Variants in SYNE1 observed in about 807,000 individuals in gnomAD.
SYNE1 encodes the protein nesprin-1.
In SYNE1, 616 loss-of-function variants were observed where a neutral mutation model predicts 1,111.0. The observed-to-expected ratio is 0.55, with a 90% CI of 0.52 to 0.59. The LOEUF (loss-of-function observed/expected upper bound fraction) is 0.59. Ranked by LOEUF, SYNE1 falls within the 20% of genes least tolerant of loss-of-function variation. The pLI is 0.00. For synonymous variants in SYNE1, 3,855 were observed against 3,825.8 expected, an observed-to-expected ratio of 1.01 and a Z score of -0.28; for missense variants, 10,006 against 10,417.0, an observed-to-expected ratio of 0.96 and a Z score of 1.72.
chr6:152,377,873 C>A (rs1057305852), intron 56 of SYNE1, among the ~76,000 whole-genome samples: 2 of 151,678 alleles, frequency 1.3e-5, no homozygotes, highest in Non-Finnish European at 2.9e-5. Flanking sequence ...CAAGTCCCCC[C>A]ACGAATAAAG....
intron 141 of SYNE1, among the ~76,000 whole-genome samples, chr6:152,135,598 T>TC (rs2056880676): frequency 6.6e-6 from 1 of 152,208 alleles, no homozygotes; most frequent in Non-Finnish European, 1.5e-5. Context: ...GAATCTCATA[T>TC]CCCCTTCATT....
Position 152,211,581 on chromosome 6 carries a change from T to C in SYNE1, c.22502A>G (p.Gln7501Arg). Residue 7501 changes from glutamine (Q) to arginine (R), a missense_variant, in exon 124 of 146, where the codon CAA (glutamine) becomes CGA (arginine). This residue lies in a region of SYNE1 where 2,182 missense variants were observed against 2,287.8 expected (regional missense o/e 0.95). Coordinates refer to ENST00000367255, the MANE Select transcript of SYNE1 (RefSeq NM_182961.4). ...CTGCTGACGACTGAACATCTCGGCT[T>C]GAAACAACTATAATTTAAAAAAAAG... The part of the protein sequence containing the change: ...LEQQRAHELF[Q>R]AEMFSRQQIL... 6.2e-7 allele frequency: 1 copy of C among 1,613,260 alleles called. No homozygotes were observed. Among genetic ancestry groups the C allele is most frequent in the Non-Finnish European group, 8.5e-7 (1 of 1,179,496 alleles).
rs757735264 is a variant in SYNE1, at chr6:152,336,728, T to A, written c.12528+113A>T. The A allele has an allele frequency of 4.5e-6, 6 of 1,345,614 alleles. No homozygotes were observed. In the South Asian group the frequency reaches 7.1e-5, roughly 16 times the overall value. The allele number at this position is 1,345,614 out of a possible 1,614,324, so 83.4% of individuals were successfully genotyped here. On this transcript the variant is annotated intron_variant, in intron 76 of 145. Coordinates refer to ENST00000367255, the MANE Select transcript of SYNE1 (RefSeq NM_182961.4). ...CCTCTGCCTTAAAGAGTTGTATTAA[T>A]GTCTAAGGATTGACAGACACTCAGG...
chr6:152,604,970 A>AAGAC, intron 3 of SYNE1, among the ~76,000 whole-genome samples: 1 of 15,892 alleles, frequency 6.3e-5, no homozygotes, highest in South Asian at 2.6e-3. Context: ...GAAAGAAAGA[A>AAGAC]AGAAAGAAAG....
rs556057184 is a variant in SYNE1 at position 152,152,919 on chromosome 6, T to C, written c.24130-778A>G. Among the ~76,000 whole-genome samples, 3 of 152,284 alleles carry C rather than the reference T, an allele frequency of 2.0e-5. No individual in the cohort carries two copies. The South Asian group carries it at 6.2e-4, about 32-fold the overall frequency. ...TAGAGATTCTGAAGGTAAAATATTCTTTTCTGCCTTTTCCCTCCAATGTAG... is the reference window on the plus strand; with the variant it reads ...TAGAGATTCTGAAGGTAAAATATTCCTTTCTGCCTTTTCCCTCCAATGTAG... On this transcript the variant is annotated intron_variant, in intron 133 of 145. Coordinates refer to ENST00000367255, the MANE Select transcript of SYNE1 (RefSeq NM_182961.4).
chr6:152,309,929 A>G lies in SYNE1; in HGVS notation c.17108T>C (p.Val5703Ala). 6.2e-7 allele frequency: 1 copy of G among 1,614,174 alleles called. No homozygotes were observed. The highest frequency in any genetic ancestry group is 8.5e-7 in the Non-Finnish European group (1 of 1,180,034). ...AGCATGACAGAGAGGTAAGCTGGCA[A>G]CCACATCCTCGGGGATCCGGAGGGC... is the stretch of plus-strand genomic sequence containing the variant. ...QSALRIPEDV[V>A]ASLPLCHAAL... Residue 5703 changes from valine (V) to alanine (A), a missense_variant, in exon 90 of 146, where the codon GTT becomes GCT. By Grantham distance (64) the Val-to-Ala change is moderately conservative. Transcript: ENST00000367255.
At chr6:152,374,127 G>A (rs1283909836) in intron 58 of SYNE1, among the ~76,000 whole-genome samples, 1 of 152,188 alleles carries the variant, frequency 6.6e-6, no homozygotes, top group Non-Finnish European at 1.5e-5. Flanking sequence ...TCATAGGGTT[G>A]TCCTTATGAG....
chr6:152,508,451 A>T (rs964409194), intron 8 of SYNE1, among the ~76,000 whole-genome samples: 6 of 152,252 alleles, frequency 3.9e-5, no homozygotes, highest in African/African-American at 1.4e-4. Context: ...AACCCAACAT[A>T]GCATGCATGA....
chr6:152,560,171 G>T (rs2099390429), intron 3 of SYNE1, among the ~76,000 whole-genome samples: 1 of 151,934 alleles, frequency 6.6e-6, no homozygotes. Context: ...TGAACAACAT[G>T]GTGAAACCCC....
intron 49 of SYNE1, 114 bp from the exon 50 acceptor site, chr6:152,397,094 C>G: frequency 9.2e-7 from 1 of 1,083,794 alleles, no homozygotes; most frequent in Non-Finnish European, 1.4e-6. Context: ...CTTAACAAGG[C>G]TGGAGTAAAA....
chr6:152,592,687 A>G (rs2099570490), intron 3 of SYNE1, among the ~76,000 whole-genome samples: 1 of 152,248 alleles, frequency 6.6e-6, no homozygotes, highest in African/African-American at 2.4e-5. Flanking sequence ...AAATCTGCAC[A>G]GGTACCCTCT....
At chr6:152,175,262 AAAAGAT>A in intron 130 of SYNE1, among the ~76,000 whole-genome samples, 1 of 152,358 alleles carries the variant, frequency 6.6e-6, no homozygotes, top group Admixed American at 6.5e-5. Context: ...CATTGTCACT[AAAAGAT>A]AATCTCACTT....
At chr6:152,153,856 A>C (rs1405965023) in intron 133 of SYNE1, among the ~76,000 whole-genome samples, 1 of 152,246 alleles carries the variant, frequency 6.6e-6, no homozygotes, top group Non-Finnish European at 1.5e-5. Flanking sequence ...CTAGATTCAT[A>C]TAGCTGTCCA....
intron 74 of SYNE1, 51 bp from the exon 75 acceptor site, chr6:152,339,417 G>A (rs1563188760): frequency 1.9e-6 from 3 of 1,604,912 alleles, no homozygotes; most frequent in Non-Finnish European, 2.6e-6. Flanking sequence ...TATTTAGATA[G>A]CAAATACTTG....
intron 137 of SYNE1, chr6:152,145,836 C>G (rs1432543279): frequency 4.4e-5 from 17 of 386,328 alleles, no homozygotes. Flanking sequence ...ACCAGCCTGG[C>G]CGACATGGTG....
intron 137 of SYNE1, 80 bp from the exon 138 acceptor site, chr6:152,143,845 G>C: frequency 1.9e-6 from 3 of 1,600,992 alleles, no homozygotes; most frequent in Non-Finnish European, 2.6e-6. Context: ...AGAAGTTTCA[G>C]AAATGATTTC....
chr6:152,412,483 G>A (rs1232329123), intron 42 of SYNE1, among the ~76,000 whole-genome samples: 1 of 151,282 alleles, frequency 6.6e-6, no homozygotes, highest in Non-Finnish European at 1.5e-5. Flanking sequence ...TGTTGTGCTA[G>A]ATAAAAGAAG....
At position 152,334,215 on chromosome 6, in the gene SYNE1, A is replaced by T. The variant is rs1247320883; in HGVS notation, c.12587T>A (p.Val4196Glu). Reference protein sequence around the residue: ...QASVNTIIEKVNKLTKKEESP... With the variant: ...QASVNTIIEKENKLTKKEESP... ...TTCCTCCTTCTTTGTTAACTTATTCACCTTTTCTATTATGGTGTTCACGGA... is the reference window on the plus strand; with the variant it reads ...TTCCTCCTTCTTTGTTAACTTATTCTCCTTTTCTATTATGGTGTTCACGGA... Residue 4196 changes from valine (V) to glutamate (E), a missense_variant, in exon 77 of 146, where the codon GTG (valine) becomes GAG (glutamate). Around this residue, in one of 7 missense-constraint regions of SYNE1, gnomAD observed 4,955 missense variants for 5,017.2 expected, o/e 0.99. Transcript: ENST00000367255. The T allele has an allele frequency of 1.2e-6, 2 of 1,613,922 alleles. No individual in the cohort carries two copies. The highest frequency in any genetic ancestry group is 3.3e-5 in the Admixed American group (2 of 59,998).
At chr6:152,303,818 A>G (rs1396413996) in intron 91 of SYNE1, among the ~76,000 whole-genome samples, 1 of 152,116 alleles carries the variant, frequency 6.6e-6, no homozygotes, top group Non-Finnish European at 1.5e-5. Flanking sequence ...CTCCTCAAAT[A>G]TTTTCCATCC....
Sources: gnomAD v4.1 joint callset for allele counts (sites outside exome capture counted in the v4.1 genomes callset) on GRCh38, gnomAD v4.1.1 for gene constraint, gnomAD v4.1.1 regional missense constraint, MANE v1.5 for transcripts, NCBI Gene and HGNC (gene_info 2026-07-23, HGNC 2026-07-21) for gene names.